Variants in NUP188 observed in about 807,000 individuals in gnomAD.
The protein encoded by NUP188 is nucleoporin 188, also known as nucleoporin NUP188.
NUP188 carries 97 observed loss-of-function variants against 223.0 expected under a neutral mutation model. The ratio of observed to expected loss-of-function variants is 0.43; its 90% CI spans 0.37 to 0.51. The LOEUF is 0.51. NUP188 is among the 20% of genes least tolerant of loss of function. The probability of loss-of-function intolerance (pLI) is 0.00; values close to 1 mark genes in which losing one functional copy is unlikely to be tolerated. For synonymous variants in NUP188, 869 were observed against 828.0 expected (o/e 1.05, Z -0.85); for missense variants, 1,947 against 2,175.6 (o/e 0.89, Z 2.09).
At chr9:128,978,946 A>G (rs1373485187) in intron 12 of NUP188, among the ~76,000 whole-genome samples, 2 of 152,108 alleles carry the variant, frequency 1.3e-5, no homozygotes. Context: ...CCTGACCTCA[A>G]GTGATCTGCC....
chr9:128,949,280 C>T (rs768515176), intron 2 of NUP188, 37 bp downstream of exon 2: 1 of 1,457,754 alleles, frequency 6.9e-7, no homozygotes, highest in Non-Finnish European at 9.5e-7. Context: ...TCTCTGGGTT[C>T]TTTGTGTAGC....
chr9:128,966,519 A>G (rs139383669), intron 8 of NUP188, among the ~76,000 whole-genome samples: 1 of 151,702 alleles, frequency 6.6e-6, no homozygotes, highest in African/African-American at 2.4e-5. Flanking sequence ...TAGGACTACA[A>G]GATGCTGCAG....
At chr9:129,003,593 C>T in intron 38 of NUP188, 139 bp downstream of exon 38, 1 of 973,302 alleles carries the variant, frequency 1.0e-6, no homozygotes, top group East Asian at 2.4e-5. Flanking sequence ...ACAGGGTTTG[C>T]TGTCATGTGC....
chr9:128,949,275 G>A (rs1463645652), intron 2 of NUP188, 32 bp downstream of exon 2: 2 of 1,540,804 alleles, frequency 1.3e-6, no homozygotes, highest in Middle Eastern at 1.7e-4. Context: ...TGGGTTCTCT[G>A]GGTTCTTTGT....
chr9:128,994,641 C>A (rs1842487770), intron 28 of NUP188, among the ~76,000 whole-genome samples, 199 bp downstream of exon 28: 1 of 152,228 alleles, frequency 6.6e-6, no homozygotes, highest in African/African-American at 2.4e-5. Context: ...GTGGTTTGCG[C>A]TACTGTGTGT....
intron 19 of NUP188, among the ~76,000 whole-genome samples, chr9:128,984,100 G>A (rs1327112989): frequency 2.7e-5 from 4 of 146,170 alleles, no homozygotes; most frequent in Admixed American, 1.4e-4. Flanking sequence ...GGGATTATAG[G>A]CGTGAGCCAC....
At chr9:128,982,489 A>G (rs1842269983) in intron 15 of NUP188, 60 bp from the exon 16 acceptor site, 2 of 1,391,216 alleles carry the variant, frequency 1.4e-6, no homozygotes, top group Non-Finnish European at 2.0e-6. Flanking sequence ...GATGTCTGGT[A>G]GAGGAGTTAC....
chr9:128,952,129 C>T (rs1215149526), intron 2 of NUP188, among the ~76,000 whole-genome samples: 1 of 152,056 alleles, frequency 6.6e-6, no homozygotes, highest in Non-Finnish European at 1.5e-5. Context: ...TTGGGCCGGG[C>T]GCAGTGGCTC....
At position 128,993,206 on chromosome 9, in the gene NUP188, A is replaced by G. The variant is rs764168787; in HGVS notation, c.2650A>G (p.Met884Val). ...LLKRLATVAPMSVYACLGNDA... is the reference protein window; with the variant it reads ...LLKRLATVAPVSVYACLGNDA... ...TTCCGGTCTCCACCAGGTGGCCCCA[A>G]TGTCAGTGTATGCTTGTCTGGGCAA... Residue 884 changes from methionine (M) to valine (V), a missense_variant, in exon 26 of 44, where the codon ATG becomes GTG. Physicochemically the swap from Met to Val is conservative, Grantham distance 21. This residue lies in a region of NUP188 where 225 missense variants were observed against 319.1 expected (regional missense o/e 0.71). Transcript: ENST00000372577. 8.1e-6 allele frequency: 13 copies of G among 1,614,018 alleles called. No homozygotes were observed. The highest frequency in any genetic ancestry group is 5.5e-5 in the South Asian group (5 of 91,080).
At position 129,003,452 on chromosome 9, in the gene NUP188, C is replaced by T; in HGVS notation, c.4432C>T (p.Gln1478Ter). The T allele has an allele frequency of 1.2e-6, 2 of 1,609,424 alleles. No homozygotes were observed. Among genetic ancestry groups the T allele is most frequent in the Non-Finnish European group, 1.7e-6 (2 of 1,179,908 alleles). Residue 1478 changes from glutamine (Q) to a stop codon, truncating the protein, a stop_gained and splice_region_variant, in exon 38 of 44, where the codon CAG (glutamine) becomes TAG (stop). Coordinates refer to ENST00000372577, the MANE Select transcript of NUP188 (RefSeq NM_015354.3). LOFTEE classifies it high-confidence loss of function. ...CCTGCCTCAGCTCATGCGTGATATC[C>T]AGGTGGGGGCCCAAGATGGTGTCTT... ...FHLPQLMRDIQVNLGYLCQAC... is the reference protein window; with the variant it reads ...FHLPQLMRDI
chr9:128,981,907 G>A (rs17455398), intron 15 of NUP188, among the ~76,000 whole-genome samples: 45,627 of 151,676 alleles, frequency 0.3, 8,110 homozygotes, highest in Admixed American at 0.39. Flanking sequence ...GAGAAACCCC[G>A]TCTCTACTAA....
Position 129,002,784 on chromosome 9 carries a change from G to C in NUP188, c.4138-33G>C, listed in dbSNP as rs200995839. On this transcript the variant is annotated intron_variant, in intron 36 of 43. Transcript: ENST00000372577. The stretch of plus-strand genomic sequence containing the variant: ...ACAAGGAGGTCCTGCCTCTCAGCAG[G>C]GTTCCTGAGCTTGTCTGCTGTTTGT... 8.1e-6 allele frequency: 13 copies of C among 1,604,598 alleles called. No homozygotes were observed. In the African/African-American group the frequency reaches 1.5e-4, roughly 18 times the overall value.
chr9:128,969,793 A>C (rs1279099168), intron 10 of NUP188, among the ~76,000 whole-genome samples: 1 of 152,036 alleles, frequency 6.6e-6, no homozygotes, highest in Non-Finnish European at 1.5e-5. Flanking sequence ...AGCTGGGATC[A>C]CAGCTAATTT....
At chr9:128,947,950 G>A (rs1279260908) in intron 1 of NUP188, 199 bp downstream of exon 1, 2 of 412,774 alleles carry the variant, frequency 4.8e-6, no homozygotes, top group African/African-American at 4.1e-5. Flanking sequence ...CTTCAGGAGG[G>A]GGGCCGGCTC....
At chr9:129,000,810 G>A (rs1183611334) in intron 34 of NUP188, among the ~76,000 whole-genome samples, 1 of 151,556 alleles carries the variant, frequency 6.6e-6, no homozygotes, top group African/African-American at 2.4e-5. Context: ...AGGCCGAGGC[G>A]GGCAGATCAT....
At chr9:128,995,055 A>C in intron 29 of NUP188, 132 bp downstream of exon 29, 2 of 725,000 alleles carry the variant, frequency 2.8e-6, no homozygotes, top group Non-Finnish European at 4.8e-6. Flanking sequence ...ATGGAAGGCC[A>C]GTGAGCTGTG....
chr9:129,001,446 G>A, intron 34 of NUP188, 83 bp from the exon 35 acceptor site: 1 of 1,368,430 alleles, frequency 7.3e-7, no homozygotes, highest in Non-Finnish European at 1.0e-6. Context: ...GCAGGTCTTG[G>A]GCAACCAGGC....
chr9:128,949,297 T>C lies in NUP188; in HGVS notation c.87+54T>C, dbSNP rs1841742265. 8.3e-6 allele frequency: 11 copies of C among 1,324,630 alleles called. No homozygotes were observed. In the East Asian group the frequency reaches 2.3e-4, roughly 28 times the overall value. 82.1% of individuals were successfully genotyped at this position (1,324,630 alleles called of 1,614,324 possible). ...TCTGGGTTCTTTGTGTAGCTTTTGTTACCAAAAAAAACCTTTTTTTAAATG... is the reference window on the plus strand; with the variant it reads ...TCTGGGTTCTTTGTGTAGCTTTTGTCACCAAAAAAAACCTTTTTTTAAATG... On this transcript the variant is annotated intron_variant, in intron 2 of 43. Transcript: ENST00000372577.
At position 128,999,144 on chromosome 9, in the gene NUP188, C is replaced by T. The variant is rs543664717; in HGVS notation, c.3516-28C>T. ...CTAGGATTACAGGCATGAGCCACCA[C>T]GCCTGGCCCACCCAGTATTCTTTCT... On this transcript the variant is annotated intron_variant, in intron 32 of 43. Coordinates refer to ENST00000372577, the MANE Select transcript of NUP188 (RefSeq NM_015354.3). The T allele has an allele frequency of 4.1e-5, 66 of 1,608,190 alleles. No individual in the cohort carries two copies. The Middle Eastern group carries it at 5.1e-4, about 12-fold the overall frequency.
Sources: allele counts gnomAD v4.1 joint callset (sites outside exome capture counted in the v4.1 genomes callset), GRCh38; gene constraint gnomAD v4.1.1; regional missense constraint gnomAD v4.1.1; transcripts MANE v1.5; gene names NCBI Gene and HGNC (gene_info 2026-07-23, HGNC 2026-07-21).